Variants in POGZ observed in about 807,000 individuals in gnomAD.
POGZ encodes pogo transposable element derived with ZNF domain.
Under a neutral mutation model 134.6 loss-of-function variants are expected in POGZ, and 17 were observed. The ratio of observed to expected loss-of-function variants is 0.13; its 90% CI spans 0.09 to 0.19. The LOEUF (loss-of-function observed/expected upper bound fraction) is 0.19. POGZ is among the 10% of genes least tolerant of loss of function. The pLI, the probability that POGZ is intolerant of heterozygous loss-of-function variation, is 1.00. For synonymous variants in POGZ, 693 were observed against 657.1 expected (o/e 1.05, Z -0.84); for missense variants, 1,306 against 1,769.7 (o/e 0.74, Z 4.70).
intron 3 of POGZ, among the ~76,000 whole-genome samples, chr1:151,435,013 G>A (rs1659343239): frequency 6.8e-6 from 1 of 148,030 alleles, no homozygotes; most frequent in Admixed American, 6.8e-5. Flanking sequence ...TGGTTCTTCT[G>A]CTCAGCCTCC....
chr1:151,429,836 G>C (rs1255623076), intron 4 of POGZ, 125 bp from the exon 5 acceptor site: 2 of 490,100 alleles, frequency 4.1e-6, no homozygotes, highest in Non-Finnish European at 7.3e-6. Context: ...TCTAGAATTA[G>C]AGGTTTCAAA....
Position 151,405,746 on chromosome 1 carries a change from C to T in POGZ, c.3289G>A (p.Val1097Ile). ...ATGAAGAGTCCTGCATTCTCTGCTACATCCTTAGGTAGGGTGTGGGCCACA... is the reference window on the plus strand; with the variant it reads ...ATGAAGAGTCCTGCATTCTCTGCTATATCCTTAGGTAGGGTGTGGGCCACA... ...RAVAHTLPKD[V>I]AENAGLFIDF... The change falls in exon 19 of 19, where the codon GTA becomes ATA. Residue 1097 changes from valine to isoleucine, a missense_variant. This residue lies in a region of POGZ where 161 missense variants were observed against 185.4 expected (regional missense o/e 0.87). Transcript: ENST00000271715. The surrounding 1 kb of genome is among the most constrained non-coding windows in gnomAD (Gnocchi z 4.9). 6.2e-7 allele frequency: 1 copy of T among 1,614,216 alleles called. No individual in the cohort carries two copies. The highest frequency in any genetic ancestry group is 8.5e-7 in the Non-Finnish European group (1 of 1,180,030).
intron 7 of POGZ, chr1:151,426,914 AGG>A (rs1166404373): frequency 1.3e-5 from 2 of 152,078 alleles, no homozygotes; most frequent in Non-Finnish European, 2.9e-5. Context: ...CATGTTTTAA[AGG>A]TTTTTACTTT....
chr1:151,423,274 T>C (rs1657244640), intron 10 of POGZ, 123 bp downstream of exon 10: 3 of 794,082 alleles, frequency 3.8e-6, no homozygotes, highest in Non-Finnish European at 6.1e-6. Context: ...GCTACAAATA[T>C]GAAAAGTACT....
chr1:151,411,734 T>A lies in POGZ; in HGVS notation c.1817A>T (p.Asp606Val), dbSNP rs1277528737. The change falls in exon 12 of 19, where the codon GAT (aspartate) becomes GTT (valine). Residue 606 changes from aspartate to valine, a missense_variant. By Grantham distance (152) the Asp-to-Val change is radical (BLOSUM62 -3). This residue lies in a region of POGZ where 149 missense variants were observed against 237.5 expected (regional missense o/e 0.63). Coordinates refer to ENST00000271715, the MANE Select transcript of POGZ (RefSeq NM_015100.4). ...QYRSSLYSEV[D>V]VHFRMIHEDT... is the part of the protein sequence containing the mutation. ...CTCATGGATCATCCGAAAATGGACA[T>A]CTACCTCAGAGTAGAGTGAGGAGCG... 6.2e-7 allele frequency: 1 copy of A among 1,613,112 alleles called. No individual in the cohort carries two copies. Among genetic ancestry groups the A allele is most frequent in the Non-Finnish European group, 8.5e-7 (1 of 1,179,398 alleles).
At chr1:151,446,846 C>T (rs954572395) in intron 1 of POGZ, among the ~76,000 whole-genome samples, 7 of 150,020 alleles carry the variant, frequency 4.7e-5, no homozygotes, top group Non-Finnish European at 8.8e-5. Context: ...AATTTTCATA[C>T]GAGTCTCTGA....
Position 151,403,382 on chromosome 1 carries a change from G to C in POGZ, c.*1420C>G. On this transcript the variant is annotated 3_prime_UTR_variant, in exon 19 of 19. Coordinates refer to ENST00000271715, the MANE Select transcript of POGZ (RefSeq NM_015100.4). The stretch of plus-strand genomic sequence containing the variant: ...TCCATTTCCCCTCATTTTATTAAAT[G>C]TTCCACTTATGTACATTTTAAAGAC... 1 of 985,426 alleles carries C rather than the reference G, an allele frequency of 1.0e-6. No homozygotes were observed. The highest frequency in any genetic ancestry group is 1.2e-6 in the Non-Finnish European group (1 of 829,606). 61.0% of individuals were successfully genotyped at this position (985,426 alleles called of 1,614,324 possible).
chr1:151,446,755 C>CAAAAAAA (rs11309351), intron 1 of POGZ, among the ~76,000 whole-genome samples: 9 of 70,708 alleles, frequency 1.3e-4, no homozygotes, highest in Admixed American at 3.9e-4. Flanking sequence ...GACTCCATCT[C>CAAAAAAA]AAAAAAAAAA....
At chr1:151,416,836 T>A (rs1655810716) in intron 10 of POGZ, among the ~76,000 whole-genome samples, 1 of 152,008 alleles carries the variant, frequency 6.6e-6, no homozygotes. Context: ...CTCACTATAT[T>A]CGCCAGGCTG....
intron 1 of POGZ, among the ~76,000 whole-genome samples, chr1:151,449,799 G>A (rs1006922043): frequency 6.6e-6 from 1 of 152,108 alleles, no homozygotes; most frequent in Non-Finnish European, 1.5e-5. Context: ...GGGAGGCTGG[G>A]GCAGGAGAAT....
At chr1:151,434,388 C>T (rs899185587) in intron 3 of POGZ, among the ~76,000 whole-genome samples, 2 of 151,874 alleles carry the variant, frequency 1.3e-5, no homozygotes, top group African/African-American at 4.8e-5. Flanking sequence ...GTGGGAGGAT[C>T]GTTTGAGCCT....
In POGZ at chr1:151,404,520, G is replaced by A; in HGVS notation, c.*282C>T. 1 of 1,095,328 alleles carries A rather than the reference G, an allele frequency of 9.1e-7. No individual in the cohort carries two copies. The highest frequency in any genetic ancestry group is 1.1e-6 in the Non-Finnish European group (1 of 900,964). The allele number at this position is 1,095,328 out of a possible 1,614,324, so 67.9% of individuals were successfully genotyped here. On this transcript the variant is annotated 3_prime_UTR_variant, in exon 19 of 19. Coordinates refer to ENST00000271715, the MANE Select transcript of POGZ (RefSeq NM_015100.4). ...TTTTGTCAGAAAAATACCAAACACAGTGATTTAAATTTAAAAAAAAAAAAA... is the reference window on the plus strand; with the variant it reads ...TTTTGTCAGAAAAATACCAAACACAATGATTTAAATTTAAAAAAAAAAAAA...
Position 151,428,145 on chromosome 1 carries a change from G to A in POGZ, c.837C>T (p.Asn279=), listed in dbSNP as rs1214759979. 5.6e-6 allele frequency: 9 copies of A among 1,614,078 alleles called. No homozygotes were observed. In the East Asian group the frequency reaches 2.0e-4, roughly 36 times the overall value. The change falls in exon 6 of 19, where the codon AAC becomes AAT. Residue 279 remains asparagine (N), a synonymous_variant. Coordinates refer to ENST00000271715, the MANE Select transcript of POGZ (RefSeq NM_015100.4). ...TACCTAGCTTGGGATTCGTGGTCTG[G>A]TTTGACTGGCCTGGAGACTGAACAG... ...QLAVQSPGQS[N]QTTNPKLAPS...
rs760808304 is a variant in POGZ at position 151,406,038 on chromosome 1, G to C, written c.2997C>G (p.Pro999=). The C allele has an allele frequency of 3.5e-5, 56 of 1,614,086 alleles. No individual in the cohort carries two copies. In the East Asian group the frequency reaches 1.0e-3, roughly 30 times the overall value. The change falls in exon 19 of 19, where the codon CCC becomes CCG. Residue 999 remains proline, a synonymous_variant. Coordinates refer to ENST00000271715, the MANE Select transcript of POGZ (RefSeq NM_015100.4). ...TEQAAEHFRN[P]QRRIRRWLRR... Reference sequence around the variant, plus strand: ...GAAGCCAACGGCGAATACGTCGCTGGGGATTTCGGAAGTGTTCAGCTGCCT... The same window carrying C: ...GAAGCCAACGGCGAATACGTCGCTGCGGATTTCGGAAGTGTTCAGCTGCCT...
At position 151,424,242 on chromosome 1, in the gene POGZ, G is replaced by A. The variant is rs748443943; in HGVS notation, c.1230C>T (p.Ser410=). 2 of 1,609,104 alleles carry A rather than the reference G, an allele frequency of 1.2e-6. No homozygotes were observed. Among genetic ancestry groups the A allele is most frequent in the Non-Finnish European group, 1.7e-6 (2 of 1,177,644 alleles). Residue 410 remains serine (S), a synonymous_variant, in exon 9 of 19, where the codon TCC becomes TCT. Transcript: ENST00000271715. The part of the protein sequence containing the change: ...EMVEYQKKGK[S]LDSEPSVPSA... Reference sequence around the variant, plus strand: ...ATGGGACACTGGGTTCTGAATCCAGGGACTTTCCTTTCTTCTGGTATTCAA... The same window carrying A: ...ATGGGACACTGGGTTCTGAATCCAGAGACTTTCCTTTCTTCTGGTATTCAA...
intron 1 of POGZ, among the ~76,000 whole-genome samples, chr1:151,457,173 TA>T (rs1662874857): frequency 6.6e-6 from 1 of 152,206 alleles, no homozygotes; most frequent in Non-Finnish European, 1.5e-5. Context: ...GTGGAAACTC[TA>T]ACTAAATCAG....
At chr1:151,442,324 A>ACTG in intron 1 of POGZ, 119 bp from the exon 2 acceptor site, 1 of 717,712 alleles carries the variant, frequency 1.4e-6, no homozygotes, top group Non-Finnish European at 2.2e-6. Context: ...CTCCTTTATC[A>ACTG]TATCCTCTAG....
In POGZ at chr1:151,403,808, A is replaced by G; in HGVS notation, c.*994T>C. On this transcript the variant is annotated 3_prime_UTR_variant, in exon 19 of 19. Coordinates refer to ENST00000271715, the MANE Select transcript of POGZ (RefSeq NM_015100.4). ...CTGGCTGTAGGACCAGTAATCCCTT[A>G]AACAGGCATGCTCTCCATCTAACAG... The G allele has an allele frequency of 1.0e-6, 1 of 985,514 alleles. No homozygotes were observed. The highest frequency in any genetic ancestry group is 1.2e-6 in the Non-Finnish European group (1 of 829,930). 61.0% of individuals were successfully genotyped at this position (985,514 alleles called of 1,614,324 possible).
intron 10 of POGZ, among the ~76,000 whole-genome samples, chr1:151,413,081 G>C (rs1022539397): frequency 1.3e-5 from 2 of 149,532 alleles, no homozygotes; most frequent in African/African-American, 4.9e-5. Flanking sequence ...TGGGATTATA[G>C]GTGTGAGCCA....
Sources: allele counts gnomAD v4.1 joint callset (sites outside exome capture counted in the v4.1 genomes callset), GRCh38; gene constraint gnomAD v4.1.1; regional missense constraint gnomAD v4.1.1; non-coding constraint Gnocchi (gnomAD v3.1); transcripts MANE v1.5; gene names NCBI Gene and HGNC (gene_info 2026-07-23, HGNC 2026-07-21).